SPOCK1: variants seen among roughly 807,000 people sequenced by gnomAD.
SPOCK1 encodes the protein testican-1.
In SPOCK1, 23 loss-of-function variants were observed where a neutral mutation model predicts 55.3. That is an observed-to-expected ratio of 0.42 (90% CI 0.30 to 0.59). The LOEUF (loss-of-function observed/expected upper bound fraction) is 0.59, where lower values mean the gene tolerates loss of function less well. Ranked by LOEUF, SPOCK1 falls within the 20% of genes least tolerant of loss-of-function variation. The probability of loss-of-function intolerance (pLI) is 0.22; values close to 1 mark genes in which losing one functional copy is unlikely to be tolerated. For missense variants in SPOCK1, 499 were observed against 552.5 expected, an observed-to-expected ratio of 0.90 and a Z score of 0.97; for synonymous variants, 226 against 221.0, an observed-to-expected ratio of 1.02 and a Z score of -0.20.
chr5:137,022,799 G>T (rs1434117361), intron 6 of SPOCK1, among the ~76,000 whole-genome samples: 1 of 152,174 alleles, frequency 6.6e-6, no homozygotes, highest in African/African-American at 2.4e-5. Flanking sequence ...GTTAGGGCTG[G>T]TATTTGGGTG....
intron 3 of SPOCK1, among the ~76,000 whole-genome samples, chr5:137,203,473 C>CATTCA (rs1483763684): frequency 6.6e-6 from 1 of 152,044 alleles, no homozygotes; most frequent in Non-Finnish European, 1.5e-5. Context: ...GGCTCCAGGC[C>CATTCA]TAAGCAGCTT....
At chr5:137,498,341 G>A in intron 2 of SPOCK1, 32 bp downstream of exon 2, 1 of 1,512,474 alleles carries the variant, frequency 6.6e-7, no homozygotes, top group Non-Finnish European at 8.8e-7. Context: ...GAGGCTCCGC[G>A]CCCCCCAGGG....
intron 2 of SPOCK1, among the ~76,000 whole-genome samples, chr5:137,320,512 C>T (rs1679699454): frequency 6.6e-6 from 1 of 152,216 alleles, no homozygotes; most frequent in East Asian, 1.9e-4. Flanking sequence ...TTTTGCCTGA[C>T]TTAGAGTGCT....
intron 3 of SPOCK1, among the ~76,000 whole-genome samples, chr5:137,167,117 T>C (rs1580786687): frequency 6.6e-6 from 1 of 151,776 alleles, no homozygotes; most frequent in Non-Finnish European, 1.5e-5. Context: ...AATAAAGGGA[T>C]GGAAAGAGAT....
intron 2 of SPOCK1, among the ~76,000 whole-genome samples, chr5:137,327,286 G>A (rs1327138242): frequency 6.6e-6 from 1 of 151,884 alleles, no homozygotes; most frequent in East Asian, 1.9e-4. Flanking sequence ...ATTATCATTG[G>A]GTATATCCCA....
At chr5:137,385,157 A>G (rs904415993) in intron 2 of SPOCK1, among the ~76,000 whole-genome samples, 1 of 152,186 alleles carries the variant, frequency 6.6e-6, no homozygotes, top group Admixed American at 6.5e-5. Flanking sequence ...CCTCATTCCA[A>G]AAAGAATTTG....
intron 3 of SPOCK1, among the ~76,000 whole-genome samples, chr5:137,261,393 A>T (rs574728656): frequency 8.5e-5 from 13 of 152,322 alleles, no homozygotes; most frequent in Non-Finnish European, 1.3e-4. Context: ...ACACAGCTGG[A>T]ACATGAAAAG....
intron 3 of SPOCK1, among the ~76,000 whole-genome samples, chr5:137,245,804 T>G (rs1756384833): frequency 1.3e-5 from 2 of 151,218 alleles, no homozygotes; most frequent in African/African-American, 4.8e-5. Flanking sequence ...AAAAACTGTC[T>G]TGAGATATTC....
At chr5:137,251,527 C>A (rs1004952565) in intron 3 of SPOCK1, among the ~76,000 whole-genome samples, 3 of 152,174 alleles carry the variant, frequency 2.0e-5, no homozygotes, top group Non-Finnish European at 4.4e-5. Context: ...CAAGAGCTTC[C>A]TTATAGAACA....
At chr5:137,337,086 G>C (rs533709327) in intron 2 of SPOCK1, among the ~76,000 whole-genome samples, 2 of 152,170 alleles carry the variant, frequency 1.3e-5, no homozygotes, top group Non-Finnish European at 2.9e-5. Context: ...ACTAGTACCT[G>C]CTGAATTAAC....
At chr5:137,122,211 C>T (rs1157000784) in intron 4 of SPOCK1, among the ~76,000 whole-genome samples, 1 of 151,026 alleles carries the variant, frequency 6.6e-6, no homozygotes, top group Non-Finnish European at 1.5e-5. Flanking sequence ...ACAAGCAAGG[C>T]CCCTGAGGCC....
rs964864241 is a variant in SPOCK1 at position 137,079,539 on chromosome 5, C to CT, written c.475-11711_475-11710insA. Among the ~76,000 whole-genome samples the CT allele has an allele frequency of 7.4e-5, 11 of 149,104 alleles. 1 individual carries two copies. Among genetic ancestry groups the CT allele is most frequent in the African/African-American group, 2.3e-4 (9 of 39,740 alleles). On this transcript the variant is annotated intron_variant, in intron 5 of 10. Transcript: ENST00000394945. ...TCCTACCATCCCATCTGATTCCCCC[C>CT]CCCCCCGACTTAGTGAAATGTCGTA...
At chr5:137,202,916 C>T (rs990444834) in intron 3 of SPOCK1, among the ~76,000 whole-genome samples, 1 of 152,200 alleles carries the variant, frequency 6.6e-6, no homozygotes, top group African/African-American at 2.4e-5. Context: ...ACTTTAAGAA[C>T]ATCATACATA....
At chr5:137,036,884 C>T (rs1460684879) in intron 6 of SPOCK1, among the ~76,000 whole-genome samples, 5 of 152,132 alleles carry the variant, frequency 3.3e-5, no homozygotes, top group South Asian at 2.1e-4. Context: ...GTGATAGACA[C>T]GGTGAGCAGT....
chr5:137,074,568 G>A (rs1752689064), intron 5 of SPOCK1, among the ~76,000 whole-genome samples: 1 of 152,226 alleles, frequency 6.6e-6, no homozygotes, highest in Admixed American at 6.5e-5. Flanking sequence ...CCAGGCTGGA[G>A]TGCAGTGACA....
At chr5:137,029,860 CT>C (rs1326616446) in intron 6 of SPOCK1, among the ~76,000 whole-genome samples, 1 of 152,174 alleles carries the variant, frequency 6.6e-6, no homozygotes, top group African/African-American at 2.4e-5. Context: ...AGAAAGGGTA[CT>C]AGAGGAGGTT....
intron 5 of SPOCK1, among the ~76,000 whole-genome samples, chr5:137,111,118 T>C (rs969511382): frequency 6.6e-6 from 1 of 152,024 alleles, no homozygotes; most frequent in Non-Finnish European, 1.5e-5. Context: ...CTGATAAGTC[T>C]CTGAGGACAG....
intron 4 of SPOCK1, among the ~76,000 whole-genome samples, chr5:137,113,145 T>G (rs1753508057): frequency 1.3e-5 from 2 of 152,242 alleles, no homozygotes; most frequent in Non-Finnish European, 2.9e-5. Context: ...TGATGTCACT[T>G]TCAACTGTTA....
At chr5:137,495,186 G>T (rs1754272941) in intron 2 of SPOCK1, among the ~76,000 whole-genome samples, 1 of 152,154 alleles carries the variant, frequency 6.6e-6, no homozygotes, top group African/African-American at 2.4e-5. Flanking sequence ...CCATGGAGTT[G>T]TTCTAAAGGC....
Sources: allele counts gnomAD v4.1 joint callset (sites outside exome capture counted in the v4.1 genomes callset), GRCh38; gene constraint gnomAD v4.1.1; transcripts MANE v1.5; gene names NCBI Gene and HGNC (gene_info 2026-07-23, HGNC 2026-07-21).